Variants in FBXW9 observed in about 807,000 individuals in gnomAD.
FBXW9 encodes F-box/WD repeat-containing protein 9.
A neutral mutation model predicts 55.8 loss-of-function variants in FBXW9; 38 were observed. The ratio of observed to expected loss-of-function variants is 0.68; its 90% CI spans 0.53 to 0.89. The LOEUF (loss-of-function observed/expected upper bound fraction) is 0.89. FBXW9 is among the 40% of genes least tolerant of loss of function. The pLI is 0.00. For missense variants in FBXW9, 590 were observed against 619.4 expected, an observed-to-expected ratio of 0.95 and a Z score of 0.50; for synonymous variants, 289 against 278.2, an observed-to-expected ratio of 1.04 and a Z score of -0.38.
chr19:12,693,557 TATATACACACACACACAC>T (rs1307427511), intron 3 of FBXW9, among the ~76,000 whole-genome samples: 6 of 16,752 alleles, frequency 3.6e-4, no homozygotes, highest in East Asian at 9.9e-4. Context: ...TATATATATA[TATATACACACACACACAC>T]ACACACACAC....
chr19:12,689,501 C>A lies in FBXW9; in HGVS notation c.1236+40G>T. On this transcript the variant is annotated intron_variant, in intron 8 of 9. Transcript: ENST00000393261. This position sits in a 1 kb window ranked among gnomAD's most constrained non-coding sequence, Gnocchi z 5.9. ...CTGGCTGATGGAGGTAGGGGAGAGG[C>A]AGGGACTGTCCTGGGGTGGGGGCTG... 6.2e-7 allele frequency: 1 copy of A among 1,613,608 alleles called. No homozygotes were observed. The highest frequency in any genetic ancestry group is 8.5e-7 in the Non-Finnish European group (1 of 1,179,594).
chr19:12,690,303 C>G (rs2024990137), intron 5 of FBXW9, 193 bp from the exon 6 acceptor site: 1 of 854,794 alleles, frequency 1.2e-6, no homozygotes, highest in Non-Finnish European at 1.9e-6. Flanking sequence ...CCCCAGGCCT[C>G]TGCCCATCCC....
At position 12,694,919 on chromosome 19, in the gene FBXW9, C is replaced by T. The variant is rs1449743572; in HGVS notation, c.429G>A (p.Pro143=). The T allele has an allele frequency of 6.8e-6, 11 of 1,613,562 alleles. No individual in the cohort carries two copies. Among genetic ancestry groups the T allele is most frequent in the East Asian group, 2.2e-5 (1 of 44,898 alleles). Residue 143 remains proline (P), a synonymous_variant, in exon 2 of 10, where the codon CCG becomes CCA. Coordinates refer to ENST00000393261, the MANE Select transcript of FBXW9 (RefSeq NM_032301.3). The part of the protein sequence containing the change: ...PVVEEKNFDW[P]AACIALEQHL... ...GCTGCTCCAGCGCAATGCAGGCTGC[C>T]GGCCAGTCAAAGTTCTTCTCTGTGG... is the stretch of plus-strand genomic sequence containing the variant.
intron 1 of FBXW9, among the ~76,000 whole-genome samples, 183 bp downstream of exon 1, chr19:12,695,990 C>T (rs750507334): frequency 1.3e-5 from 2 of 152,216 alleles, no homozygotes; most frequent in African/African-American, 2.4e-5. Flanking sequence ...CGTGGTCCAC[C>T]CAGAGGTCCT....
At chr19:12,691,546 G>C in intron 3 of FBXW9, 92 bp from the exon 4 acceptor site, 1 of 1,084,812 alleles carries the variant, frequency 9.2e-7, no homozygotes, top group Non-Finnish European at 1.3e-6. Flanking sequence ...GGCTCAGAGA[G>C]GTCAAGAGAC....
intron 3 of FBXW9, 66 bp downstream of exon 3, chr19:12,694,528 A>G (rs901746257): frequency 1.3e-6 from 2 of 1,561,818 alleles, no homozygotes; most frequent in Non-Finnish European, 1.7e-6. Context: ...CTGTACCAAA[A>G]CCTGGGGCCT....
At chr19:12,690,921 C>G (rs1306675401) in intron 5 of FBXW9, among the ~76,000 whole-genome samples, 1 of 152,172 alleles carries the variant, frequency 6.6e-6, no homozygotes, top group Non-Finnish European at 1.5e-5. Context: ...AACCGAGGTT[C>G]AAGCTTGTCT....
At position 12,696,612 on chromosome 19, in the gene FBXW9, T is replaced by C; in HGVS notation, c.-31A>G. The C allele has an allele frequency of 1.3e-6, 2 of 1,598,946 alleles. No individual in the cohort carries two copies. The highest frequency in any genetic ancestry group is 1.7e-6 in the Non-Finnish European group (2 of 1,178,626). ...CCGGGTGGGCGCTGCCGGCCTCGCG[T>C]CTTGTCTCCTAGGCAGCACGAGGGC... On this transcript the variant is annotated 5_prime_UTR_variant, in exon 1 of 10. Coordinates refer to ENST00000393261, the MANE Select transcript of FBXW9 (RefSeq NM_032301.3).
Position 12,690,101 on chromosome 19 carries a change from G to C in FBXW9, c.893C>G (p.Ala298Gly), listed in dbSNP as rs1355538363. ...VTIYDPRAGP[A>G]LLKHQQLHSR... ...GTGTAGTTGCTGGTGCTTCAACAGG[G>C]CTGGGCCGGCTTCATGGGTGATGGG... Residue 298 changes from alanine (A) to glycine (G), a missense_variant, in exon 6 of 10, where the codon GCC (alanine) becomes GGC (glycine). Physicochemically the swap from Ala to Gly is moderately conservative, Grantham distance 60. Transcript: ENST00000393261. 6.2e-7 allele frequency: 1 copy of C among 1,613,704 alleles called. No individual in the cohort carries two copies. Among genetic ancestry groups the C allele is most frequent in the African/African-American group, 1.3e-5 (1 of 74,906 alleles).
intron 1 of FBXW9, 46 bp from the exon 2 acceptor site, chr19:12,694,984 C>A: frequency 6.3e-7 from 1 of 1,583,354 alleles, no homozygotes; most frequent in Admixed American, 1.7e-5. Context: ...GGGACCCTAG[C>A]ACCCATGCCA....
At chr19:12,691,052 C>G in intron 5 of FBXW9, 114 bp downstream of exon 5, 1 of 944,620 alleles carries the variant, frequency 1.1e-6, no homozygotes, top group Admixed American at 1.8e-5. Flanking sequence ...CATGGCCACT[C>G]TGAGTGGTGA....
chr19:12,693,049 G>A (rs1034126955), intron 3 of FBXW9, among the ~76,000 whole-genome samples: 1 of 152,132 alleles, frequency 6.6e-6, no homozygotes, highest in African/African-American at 2.4e-5. Context: ...CAATCCCGCT[G>A]AGGAGGGCAA....
chr19:12,693,017 TG>T (rs1555715946), intron 3 of FBXW9, among the ~76,000 whole-genome samples: 4 of 152,288 alleles, frequency 2.6e-5, no homozygotes, highest in Non-Finnish European at 4.4e-5. Flanking sequence ...CACAGGGTGC[TG>T]AATGCTGACT....
At chr19:12,690,499 A>T (rs1336487109) in intron 5 of FBXW9, among the ~76,000 whole-genome samples, 2 of 152,152 alleles carry the variant, frequency 1.3e-5, no homozygotes, top group Non-Finnish European at 2.9e-5. Context: ...ATGAATAAAT[A>T]GGCCAGGCAC....
At chr19:12,695,569 T>C (rs916382482) in intron 1 of FBXW9, among the ~76,000 whole-genome samples, 2 of 152,106 alleles carry the variant, frequency 1.3e-5, no homozygotes, top group Non-Finnish European at 2.9e-5. Flanking sequence ...ACACCCAAGC[T>C]GTAATACATC....
chr19:12,694,517 C>A, intron 3 of FBXW9, 77 bp downstream of exon 3: 1 of 1,510,946 alleles, frequency 6.6e-7, no homozygotes, highest in Non-Finnish European at 9.0e-7. Context: ...TCTATGCGGT[C>A]CTGTACCAAA....
rs911029970 is a variant in FBXW9 at position 12,689,742 on chromosome 19, G to A, written c.1146+19C>T. The A allele has an allele frequency of 2.5e-6, 4 of 1,612,216 alleles. No homozygotes were observed. Among genetic ancestry groups the A allele is most frequent in the East Asian group, 2.2e-5 (1 of 44,882 alleles). ...AAGCCCGGGGGGAGGGACAGTCAGGGGCAGGAGCTCCAGCAGACCCGGATA... is the reference window on the plus strand; with the variant it reads ...AAGCCCGGGGGGAGGGACAGTCAGGAGCAGGAGCTCCAGCAGACCCGGATA... On this transcript the variant is annotated intron_variant, in intron 7 of 9. Transcript: ENST00000393261. The surrounding 1 kb of genome is among the most constrained non-coding windows in gnomAD (Gnocchi z 5.9).
rs7248201 is a variant in FBXW9, at chr19:12,689,676, G to C, written c.1147-46C>G. ...AACACTCAGTCGAGGCTCTCCCAAG[G>C]CCCGCCCTCCCCCACACCACCAGGG... is the stretch of plus-strand genomic sequence containing the variant. On this transcript the variant is annotated intron_variant, in intron 7 of 9. Transcript: ENST00000393261. This position sits in a 1 kb window ranked among gnomAD's most constrained non-coding sequence, Gnocchi z 5.9. 57,260 of 1,608,952 alleles carry C rather than the reference G, an allele frequency of 0.036. 8,532 individuals are homozygous for C. In the African/African-American group the frequency reaches 0.46, roughly 13 times the overall value.
At chr19:12,693,937 C>T (rs1187962896) in intron 3 of FBXW9, among the ~76,000 whole-genome samples, 1 of 151,354 alleles carries the variant, frequency 6.6e-6, no homozygotes, top group Non-Finnish European at 1.5e-5. Context: ...TGCCTGTAAT[C>T]CCAGCACTTT....
Sources: gnomAD v4.1 joint callset for allele counts (sites outside exome capture counted in the v4.1 genomes callset) on GRCh38, gnomAD v4.1.1 for gene constraint, Gnocchi (gnomAD v3.1) non-coding constraint, MANE v1.5 for transcripts, NCBI Gene and HGNC (gene_info 2026-07-23, HGNC 2026-07-21) for gene names.